SYT2: variants seen among roughly 807,000 people sequenced by gnomAD.
The protein encoded by SYT2 is synaptotagmin 2, also known as synaptotagmin-2.
In SYT2, 15 loss-of-function variants were observed where a neutral mutation model predicts 39.9. That is an observed-to-expected ratio of 0.38 (90% confidence interval 0.25 to 0.58). SYT2 has a LOEUF of 0.58. Ranked by LOEUF, SYT2 falls within the 20% of genes least tolerant of loss-of-function variation. The pLI is 0.70. For missense variants in SYT2, 389 were observed against 530.3 expected, an observed-to-expected ratio of 0.73 and a Z score of 2.62; for synonymous variants, 181 against 204.5, an observed-to-expected ratio of 0.89 and a Z score of 0.98.
rs1369961336 is a variant in SYT2 at position 202,623,659 on chromosome 1, G to C, written c.-17-17870C>G. On this transcript the variant is annotated intron_variant, in intron 1 of 8. Coordinates refer to ENST00000367268, the MANE Select transcript of SYT2 (RefSeq NM_177402.5). The surrounding 1 kb of genome is among the most constrained non-coding windows in gnomAD (Gnocchi z 4.2). ...GGTGTAGGATACGGAAAGTGTGTAG[G>C]GGGGGTGCACCCGTGGGCCCCAGGA... Among the ~76,000 whole-genome samples, 1 of 152,208 alleles carries C rather than the reference G, an allele frequency of 6.6e-6. No individual in the cohort carries two copies.
chr1:202,629,876 G>GA (rs950227451), intron 1 of SYT2, among the ~76,000 whole-genome samples: 1 of 126,214 alleles, frequency 7.9e-6, no homozygotes, highest in Non-Finnish European at 1.8e-5. Context: ...GTGGGGGGGG[G>GA]GGGGTGGTAC....
chr1:202,622,920 C>T (rs1294777916), intron 1 of SYT2, among the ~76,000 whole-genome samples: 2 of 152,202 alleles, frequency 1.3e-5, no homozygotes, highest in African/African-American at 4.8e-5. Flanking sequence ...AACAAAGAAA[C>T]TGAGGCCCCA....
chr1:202,699,058 C>A (rs1242701744), intron 1 of SYT2, among the ~76,000 whole-genome samples: 1 of 135,318 alleles, frequency 7.4e-6, no homozygotes, highest in Non-Finnish European at 1.5e-5. Flanking sequence ...TGCTCTGTTG[C>A]CCAGGCTGGA....
In SYT2 at chr1:202,625,544, C is replaced by T. The variant is rs1691376108; in HGVS notation, c.-17-19755G>A. On this transcript the variant is annotated intron_variant, in intron 1 of 8. Coordinates refer to ENST00000367268, the MANE Select transcript of SYT2 (RefSeq NM_177402.5). ...GCTGCAGGAGAGTAGCTGGAGAGAC[C>T]GCGGCCTCCTCCCCAGCCCACTTCT... Among the ~76,000 whole-genome samples, 9 of 151,898 alleles carry T rather than the reference C, an allele frequency of 5.9e-5. No homozygotes were observed. The South Asian group carries it at 1.5e-3, about 24-fold the overall frequency.
intron 1 of SYT2, among the ~76,000 whole-genome samples, chr1:202,694,458 A>G (rs1653921945): frequency 6.6e-6 from 1 of 152,182 alleles, no homozygotes; most frequent in African/African-American, 2.4e-5. Flanking sequence ...CGATGCACAG[A>G]ATCCTGAATT....
At chr1:202,631,920 C>T (rs1691605006) in intron 1 of SYT2, 1 of 591,336 alleles carries the variant, frequency 1.7e-6, no homozygotes, top group African/African-American at 2.1e-5. Flanking sequence ...CTGACATCTC[C>T]ATCCCAGCCC....
chr1:202,661,330 G>A (rs1310961033), intron 1 of SYT2, among the ~76,000 whole-genome samples: 7 of 151,846 alleles, frequency 4.6e-5, no homozygotes. Context: ...GGCACCTACT[G>A]GGGCCACCTA....
intron 1 of SYT2, among the ~76,000 whole-genome samples, chr1:202,667,735 T>C (rs1400306117): frequency 6.6e-6 from 1 of 152,038 alleles, no homozygotes; most frequent in Non-Finnish European, 1.5e-5. Flanking sequence ...TATTTTGAGA[T>C]GGAGTCTTGC....
intron 1 of SYT2, among the ~76,000 whole-genome samples, chr1:202,695,936 CT>C (rs1653962960): frequency 6.6e-6 from 1 of 152,254 alleles, no homozygotes; most frequent in African/African-American, 2.4e-5. Flanking sequence ...GGTCCCGACT[CT>C]GGGCTTGTTC....
intron 3 of SYT2, among the ~76,000 whole-genome samples, chr1:202,603,984 A>G (rs1025795127): frequency 2.0e-5 from 3 of 152,216 alleles, no homozygotes; most frequent in African/African-American, 7.2e-5. Flanking sequence ...ACAGGGGAAA[A>G]TAAATTATGA....
In SYT2 at chr1:202,597,053, T is replaced by C. The variant is rs1690325101; in HGVS notation, c.1054-90A>G. ...CTCCATCAACCTCTACTCCCAATGATTGGGAAGGTAAGGCCTCCTGGGGCT... is the reference window on the plus strand; with the variant it reads ...CTCCATCAACCTCTACTCCCAATGACTGGGAAGGTAAGGCCTCCTGGGGCT... On this transcript the variant is annotated intron_variant, in intron 8 of 8. Coordinates refer to ENST00000367268, the MANE Select transcript of SYT2 (RefSeq NM_177402.5). 6 of 1,213,560 alleles carry C rather than the reference T, an allele frequency of 4.9e-6. No individual in the cohort carries two copies. The African/African-American group carries it at 6.0e-5, about 12-fold the overall frequency. 75.2% of individuals were successfully genotyped at this position (1,213,560 alleles called of 1,614,324 possible). A position where few individuals can be genotyped will look rare whatever the true frequency, so the allele number is the denominator to read the frequency against.
In SYT2 at chr1:202,593,422, G is replaced by C. The variant is rs1291014053; in HGVS notation, c.*3335C>G. ...TGTAGTGACCTCTCTTCTCCCTCTC[G>C]CTGAAGCCTTGGGCCAGCAAAATCA... On this transcript the variant is annotated 3_prime_UTR_variant, in exon 9 of 9. Coordinates refer to ENST00000367268, the MANE Select transcript of SYT2 (RefSeq NM_177402.5). The C allele has an allele frequency of 6.6e-6, 1 of 152,106 alleles. No individual in the cohort carries two copies. The highest frequency in any genetic ancestry group is 1.5e-5 in the Non-Finnish European group (1 of 68,020). The allele number at this position is 152,106 out of a possible 1,614,324, so 9.4% of individuals were successfully genotyped here.
At chr1:202,655,341 T>C (rs1350392916) in intron 1 of SYT2, among the ~76,000 whole-genome samples, 1 of 152,182 alleles carries the variant, frequency 6.6e-6, no homozygotes, top group East Asian at 1.9e-4. Context: ...ACTTGAAACA[T>C]ACCTCATTTT....
At chr1:202,633,500 C>A (rs752072868) in intron 1 of SYT2, among the ~76,000 whole-genome samples, 1 of 152,086 alleles carries the variant, frequency 6.6e-6, no homozygotes, top group Non-Finnish European at 1.5e-5. Context: ...CATCTTCATC[C>A]CACTCAGCCC....
chr1:202,706,114 C>T (rs1250647290), intron 1 of SYT2, among the ~76,000 whole-genome samples: 1 of 152,110 alleles, frequency 6.6e-6, no homozygotes, highest in East Asian at 1.9e-4. Context: ...GGCCTGGATC[C>T]AAATTTACCC....
chr1:202,631,087 G>A (rs1178155426), intron 1 of SYT2, among the ~76,000 whole-genome samples: 3 of 152,240 alleles, frequency 2.0e-5, no homozygotes, highest in African/African-American at 7.2e-5. Context: ...CCAGAGAGAG[G>A]AAGGGACTTG....
intron 1 of SYT2, among the ~76,000 whole-genome samples, chr1:202,629,672 C>T (rs1437442470): frequency 6.6e-6 from 1 of 152,106 alleles, no homozygotes; most frequent in Non-Finnish European, 1.5e-5. Context: ...AGGTTGAGGC[C>T]AGCCTGGGCA....
chr1:202,598,521 T>C (rs1690379381), intron 8 of SYT2, among the ~76,000 whole-genome samples: 1 of 151,618 alleles, frequency 6.6e-6, no homozygotes, highest in Non-Finnish European at 1.5e-5. Flanking sequence ...CCAGCCCTCC[T>C]GCGGGGAGGA....
chr1:202,625,323 G>T (rs1286924491), intron 1 of SYT2, among the ~76,000 whole-genome samples: 66 of 130,042 alleles, frequency 5.1e-4, no homozygotes, highest in East Asian at 2.2e-3. Flanking sequence ...TGTGTGTGTG[G>T]TGTGTGTGGC....
Sources: gnomAD v4.1 joint callset for allele counts (sites outside exome capture counted in the v4.1 genomes callset) on GRCh38, gnomAD v4.1.1 for gene constraint, Gnocchi (gnomAD v3.1) non-coding constraint, MANE v1.5 for transcripts, NCBI Gene and HGNC (gene_info 2026-07-23, HGNC 2026-07-21) for gene names.